MEIKIN: variants seen among roughly 807,000 people sequenced by gnomAD.
The protein encoded by MEIKIN is meiotic kinetochore factor, also known as meiosis-specific kinetochore protein.
chr5:131,914,753 C>T (rs1321988903), intron 7 of MEIKIN, among the ~76,000 whole-genome samples: 1 of 152,032 alleles, frequency 6.6e-6, no homozygotes, highest in African/African-American at 2.4e-5. Context: ...ATCTCTCCTC[C>T]ACACCTTCCA....
intron 8 of MEIKIN, among the ~76,000 whole-genome samples, chr5:131,890,434 TC>T (rs1750889498): frequency 2.6e-5 from 4 of 152,016 alleles, no homozygotes; most frequent in Admixed American, 6.6e-5. Flanking sequence ...CTTGGGAGGG[TC>T]GAGGAACTTA....
At chr5:131,807,588 G>GTTGTGCT (rs1772869624) in intron 12 of MEIKIN, among the ~76,000 whole-genome samples, 2 of 152,198 alleles carry the variant, frequency 1.3e-5, no homozygotes, top group Admixed American at 1.3e-4. Flanking sequence ...ACTTGATCCA[G>GTTGTGCT]TTGTGCTTTT....
chr5:131,870,142 AT>A (rs59667260), intron 9 of MEIKIN, among the ~76,000 whole-genome samples: 119,000 of 152,016 alleles, frequency 0.78, 46,836 homozygotes, highest in African/African-American at 0.83. Context: ...ATTATTATGC[AT>A]TTGTGTGCCT....
chr5:131,881,614 A>T (rs1053212329), intron 8 of MEIKIN, among the ~76,000 whole-genome samples: 6 of 152,140 alleles, frequency 3.9e-5, no homozygotes, highest in African/African-American at 1.4e-4. Context: ...AACTGCCTTC[A>T]TGACATCTCC....
At position 131,938,376 on chromosome 5, in the gene MEIKIN, C is replaced by A. The variant is rs191229488; in HGVS notation, c.349+4259G>T. Among the ~76,000 whole-genome samples, 151 of 152,140 alleles carry A rather than the reference C, an allele frequency of 9.9e-4. 1 individual carries two copies. Among genetic ancestry groups the A allele is most frequent in the African/African-American group, 3.5e-3 (145 of 41,504 alleles). On this transcript the variant is annotated intron_variant, in intron 4 of 12. Coordinates refer to ENST00000442687, the MANE Select transcript of MEIKIN (RefSeq NM_001303622.2). ...AGAGACAGGGTTTCACCGTGTTGCC[C>A]AGGCTGGTCTCGATCTCCTAGGCTC...
chr5:131,898,018 G>T (rs1055959002), intron 8 of MEIKIN, among the ~76,000 whole-genome samples: 1 of 152,142 alleles, frequency 6.6e-6, no homozygotes, highest in African/African-American at 2.4e-5. Context: ...TTCTGCTCTG[G>T]TTTCCTCCCA....
intron 8 of MEIKIN, among the ~76,000 whole-genome samples, chr5:131,901,426 G>A (rs1330498317): frequency 1.3e-5 from 2 of 152,044 alleles, no homozygotes; most frequent in African/African-American, 4.8e-5. Context: ...GTGCCATGCT[G>A]CCAACCCCAC....
At chr5:131,828,806 A>G (rs1308547923) in intron 11 of MEIKIN, among the ~76,000 whole-genome samples, 2 of 152,188 alleles carry the variant, frequency 1.3e-5, no homozygotes, top group Non-Finnish European at 2.9e-5. Context: ...TGAAAAACAA[A>G]TATATGTTAA....
intron 10 of MEIKIN, among the ~76,000 whole-genome samples, chr5:131,852,810 C>A (rs7725041): frequency 0.78 from 119,125 of 152,038 alleles, 46,902 homozygotes; most frequent in African/African-American, 0.83. Flanking sequence ...TAAAACGTAA[C>A]TTGTACCTCA....
intron 8 of MEIKIN, among the ~76,000 whole-genome samples, chr5:131,895,259 G>T (rs985665825): frequency 6.6e-6 from 1 of 152,162 alleles, no homozygotes; most frequent in Admixed American, 6.5e-5. Flanking sequence ...TGGTGGATAA[G>T]CTTCTTGATG....
intron 3 of MEIKIN, among the ~76,000 whole-genome samples, chr5:131,943,086 A>G (rs1176380737): frequency 6.6e-6 from 1 of 152,094 alleles, no homozygotes; most frequent in Non-Finnish European, 1.5e-5. Context: ...ATAAAATTAA[A>G]GGCAAGTAAA....
intron 8 of MEIKIN, among the ~76,000 whole-genome samples, chr5:131,899,019 G>A (rs1210549936): frequency 6.6e-6 from 1 of 152,136 alleles, no homozygotes; most frequent in Non-Finnish European, 1.5e-5. Context: ...GATCACGCTG[G>A]GAGCTGCAGA....
chr5:131,837,729 GTTGT>G (rs2149609667), intron 11 of MEIKIN, among the ~76,000 whole-genome samples: 1 of 152,234 alleles, frequency 6.6e-6, no homozygotes, highest in Non-Finnish European at 1.5e-5. Flanking sequence ...GTTTGCTGAA[GTTGT>G]TTATTAGCTT....
chr5:131,922,058 A>C (rs1334153000), intron 5 of MEIKIN, 117 bp from the exon 6 acceptor site: 4 of 393,076 alleles, frequency 1.0e-5, no homozygotes, highest in African/African-American at 6.2e-5. Context: ...TTATATTTGA[A>C]GGTTTTGGAT....
chr5:131,834,096 T>C (rs182074801), intron 11 of MEIKIN, among the ~76,000 whole-genome samples: 64 of 152,324 alleles, frequency 4.2e-4, no homozygotes, highest in Non-Finnish European at 7.4e-4. Context: ...GTTTTACATG[T>C]TAATAATGGC....
At chr5:131,927,012 T>G (rs1751598307) in intron 5 of MEIKIN, among the ~76,000 whole-genome samples, 1 of 152,196 alleles carries the variant, frequency 6.6e-6, no homozygotes, top group Non-Finnish European at 1.5e-5. Context: ...ATTTCTGCTC[T>G]AAATTTTATT....
intron 11 of MEIKIN, among the ~76,000 whole-genome samples, chr5:131,846,856 G>A (rs1054294402): frequency 7.0e-6 from 1 of 142,512 alleles, no homozygotes; most frequent in African/African-American, 2.7e-5. Context: ...GGCACATGAT[G>A]TATAAAAATG....
In MEIKIN at chr5:131,940,102, T is replaced by C. The variant is rs149370325; in HGVS notation, c.349+2533A>G. ...GACGAAAACAATTACACTGTGGTTT[T>C]AAGTCTTTTGACAGAAGTATATAGA... On this transcript the variant is annotated intron_variant, in intron 4 of 12. Transcript: ENST00000442687. 2.6e-3 allele frequency among the ~76,000 whole-genome samples: 396 copies of C among 152,324 alleles called. 1 individual carries two copies. Among genetic ancestry groups the C allele is most frequent in the African/African-American group, 9.1e-3 (379 of 41,576 alleles).
At chr5:131,932,402 C>T (rs949718263) in intron 5 of MEIKIN, among the ~76,000 whole-genome samples, 6 of 152,226 alleles carry the variant, frequency 3.9e-5, no homozygotes, top group Admixed American at 3.9e-4. Context: ...GTTGCCTAGA[C>T]TGCTCCACTC....
Sources: gnomAD v4.1 joint callset for allele counts (sites outside exome capture counted in the v4.1 genomes callset) on GRCh38, gnomAD v4.1.1 for gene constraint, MANE v1.5 for transcripts, NCBI Gene and HGNC (gene_info 2026-07-23, HGNC 2026-07-21) for gene names.